The following PITPNM2 variants were observed in gnomAD, a reference collection of about 807,000 sequenced individuals.
PITPNM2 encodes the protein phosphatidylinositol transfer protein membrane associated 2.
In PITPNM2, 35 loss-of-function variants were observed where a neutral mutation model predicts 132.2. That is an observed-to-expected ratio of 0.26 (90% CI 0.20 to 0.35). The LOEUF (loss-of-function observed/expected upper bound fraction) is 0.35. PITPNM2 is among the 10% of genes least tolerant of loss of function. PITPNM2 has a pLI of 1.00. For synonymous variants in PITPNM2, 738 were observed against 799.2 expected, an observed-to-expected ratio of 0.92 and a Z score of 1.29; for missense variants, 1,332 against 1,912.0, an observed-to-expected ratio of 0.70 and a Z score of 5.66.
Position 123,078,796 on chromosome 12 carries a change from C to T in PITPNM2, c.-96+31589G>A, listed in dbSNP as rs1265395263. On this transcript the variant is annotated intron_variant, in intron 2 of 25. Coordinates refer to ENST00000320201, the MANE Select transcript of PITPNM2 (RefSeq NM_020845.3). This position sits in a 1 kb window ranked among gnomAD's most constrained non-coding sequence, Gnocchi z 7.3. ...GGCTCCCCACGCTGGGTGGCATCTCCCATCACGCCTGTGCCAGCCTCACTG... is the reference window on the plus strand; with the variant it reads ...GGCTCCCCACGCTGGGTGGCATCTCTCATCACGCCTGTGCCAGCCTCACTG... Among the ~76,000 whole-genome samples, 1 of 152,212 alleles carries T rather than the reference C, an allele frequency of 6.6e-6. No individual in the cohort carries two copies.
intron 1 of PITPNM2, among the ~76,000 whole-genome samples, chr12:123,148,348 G>A (rs1164272193): frequency 2.6e-5 from 4 of 152,176 alleles, no homozygotes; most frequent in African/African-American, 9.7e-5. Flanking sequence ...GGCTCCTCCT[G>A]CCCATGGCCA....
At chr12:123,113,617 C>T (rs548480797) in intron 1 of PITPNM2, among the ~76,000 whole-genome samples, 7 of 152,218 alleles carry the variant, frequency 4.6e-5, no homozygotes, top group African/African-American at 1.4e-4. Flanking sequence ...GGGAGGGTAA[C>T]CTGAGTCTGA....
In PITPNM2 at chr12:122,986,633, TC is replaced by T. The variant is rs768107572; in HGVS notation, c.3597+12del. The T allele has an allele frequency of 3.2e-5, 52 of 1,605,116 alleles. No individual in the cohort carries two copies. The African/African-American group carries it at 6.7e-4, about 21-fold the overall frequency. Reference sequence around the variant, plus strand: ...CCCCCACCCCTGCCCTGCCCCATCCTCCCGGGCCCCACCTCGGAGATGAGCA... The same window carrying T: ...CCCCCACCCCTGCCCTGCCCCATCCTCCGGGCCCCACCTCGGAGATGAGCA... On this transcript the variant is annotated intron_variant, in intron 24 of 25. Coordinates refer to ENST00000320201, the MANE Select transcript of PITPNM2 (RefSeq NM_020845.3).
chr12:123,111,564 G>C lies in PITPNM2; in HGVS notation c.-199-1076C>G, dbSNP rs2042833746. ...GAGAGTGGAATTGGGGAGGTGTGAA[G>C]ATAGCTAGCAATACACAGCAGTGGG... is the stretch of plus-strand genomic sequence containing the variant. On this transcript the variant is annotated intron_variant, in intron 1 of 25. Transcript: ENST00000320201. The surrounding 1 kb of genome is among the most constrained non-coding windows in gnomAD (Gnocchi z 4.1). Among the ~76,000 whole-genome samples the C allele has an allele frequency of 6.6e-6, 1 of 152,244 alleles. No homozygotes were observed. Among genetic ancestry groups the C allele is most frequent in the Non-Finnish European group, 1.5e-5 (1 of 68,040 alleles).
intron 2 of PITPNM2, among the ~76,000 whole-genome samples, chr12:123,096,978 C>A (rs2042426554): frequency 6.6e-6 from 1 of 152,166 alleles, no homozygotes; most frequent in African/African-American, 2.4e-5. Flanking sequence ...GTCCCCAGGA[C>A]TCCCCAGAGT....
In PITPNM2 at chr12:123,031,410, G is replaced by C. The variant is rs1247597629; in HGVS notation, c.78+3103C>G. Among the ~76,000 whole-genome samples, 1 of 152,190 alleles carries C rather than the reference G, an allele frequency of 6.6e-6. No homozygotes were observed. Among genetic ancestry groups the C allele is most frequent in the Non-Finnish European group, 1.5e-5 (1 of 68,036 alleles). On this transcript the variant is annotated intron_variant, in intron 3 of 25. Coordinates refer to ENST00000320201, the MANE Select transcript of PITPNM2 (RefSeq NM_020845.3). The surrounding 1 kb of genome is among the most constrained non-coding windows in gnomAD (Gnocchi z 4.5). ...ATCCGCCTGTCTAAGACCCAGCTGG[G>C]GCAGGGCTGGCCAGCAGGGGCCTTA...
chr12:123,119,355 A>AC lies in PITPNM2; in HGVS notation c.-199-8868_-199-8867insG, dbSNP rs762896348. Among the ~76,000 whole-genome samples, 647 of 129,308 alleles carry AC rather than the reference A, an allele frequency of 5.0e-3. 32 individuals carry two copies. The highest frequency in any genetic ancestry group is 0.017 in the African/African-American group (612 of 35,474). 84.8% of individuals were successfully genotyped at this position (129,308 alleles called of 152,430 possible). A position where few individuals can be genotyped will look rare whatever the true frequency, so the allele number is the denominator to read the frequency against. On this transcript the variant is annotated intron_variant, in intron 1 of 25. Coordinates refer to ENST00000320201, the MANE Select transcript of PITPNM2 (RefSeq NM_020845.3). ...CTATCTAGAAGCATAGAGGATGGTGATTTTTTTTTTTTTTTTTTTTGAGAC... is the reference window on the plus strand; with the variant it reads ...CTATCTAGAAGCATAGAGGATGGTGACTTTTTTTTTTTTTTTTTTTTGAGAC...
At chr12:122,991,965 C>T in intron 16 of PITPNM2, 1 of 1,274,756 alleles carries the variant, frequency 7.8e-7, no homozygotes, top group Non-Finnish European at 1.0e-6. Flanking sequence ...CAGACACGCT[C>T]TGACACAGAG....
intron 2 of PITPNM2, among the ~76,000 whole-genome samples, chr12:123,056,606 G>C (rs1187048684): frequency 6.6e-6 from 1 of 152,108 alleles, no homozygotes; most frequent in Non-Finnish European, 1.5e-5. Context: ...AAGAGGGAAA[G>C]AGCTGAGCTG....
intron 1 of PITPNM2, among the ~76,000 whole-genome samples, chr12:123,145,615 C>T (rs559766428): frequency 6.6e-6 from 1 of 152,204 alleles, no homozygotes; most frequent in African/African-American, 2.4e-5. Flanking sequence ...TTTCCATGCT[C>T]TCTCTCCAAG....
rs1439804521 is a variant in PITPNM2, at chr12:123,077,600, G to C, written c.-96+32785C>G. 1.3e-5 allele frequency among the ~76,000 whole-genome samples: 2 copies of C among 152,130 alleles called. No individual in the cohort carries two copies. Among genetic ancestry groups the C allele is most frequent in the Non-Finnish European group, 2.9e-5 (2 of 68,030 alleles). On this transcript the variant is annotated intron_variant, in intron 2 of 25. Coordinates refer to ENST00000320201, the MANE Select transcript of PITPNM2 (RefSeq NM_020845.3). The surrounding 1 kb of genome is among the most constrained non-coding windows in gnomAD (Gnocchi z 4.8). ...AGCTACTCACAGACTCCCTAGAGGA[G>C]AACTCCACGCACCCAAACTCTGCTG...
At chr12:123,090,785 TG>T (rs2042239106) in intron 2 of PITPNM2, 1 of 152,298 alleles carries the variant, frequency 6.6e-6, no homozygotes, top group Non-Finnish European at 1.5e-5. Flanking sequence ...GGTATGACTA[TG>T]GGGATGGGAG....
chr12:122,986,282 G>T lies in PITPNM2; in HGVS notation c.3795C>A (p.Arg1265=). The change falls in exon 26 of 26, where the codon CGC becomes CGA. Residue 1265 remains arginine (R), a synonymous_variant. Transcript: ENST00000320201. The part of the protein sequence containing the change: ...LKYSHRARPA[R]NTATRMALRK... Reference sequence around the variant, plus strand: ...GCAGCGCCATGCGGGTGGCCGTGTTGCGAGCGGGCCGCGCCCGGTGGCTGT... The same window carrying T: ...GCAGCGCCATGCGGGTGGCCGTGTTTCGAGCGGGCCGCGCCCGGTGGCTGT... The T allele has an allele frequency of 6.3e-7, 1 of 1,583,162 alleles. No homozygotes were observed.
At chr12:123,085,769 C>A (rs2042094557) in intron 2 of PITPNM2, among the ~76,000 whole-genome samples, 1 of 152,236 alleles carries the variant, frequency 6.6e-6, no homozygotes, top group South Asian at 2.1e-4. Context: ...TCCACAGGGA[C>A]AATGGTGGGA....
rs1052171807 is a variant in PITPNM2, at chr12:123,058,953, T to C, written c.-95-24268A>G. On this transcript the variant is annotated intron_variant, in intron 2 of 25. Transcript: ENST00000320201. The surrounding 1 kb of genome is among the most constrained non-coding windows in gnomAD (Gnocchi z 4.0). ...CAGCTCCCACCACACCCCATTCCCATTGTCTGGGCCCAAACCATGAAGCTC... is the reference window on the plus strand; with the variant it reads ...CAGCTCCCACCACACCCCATTCCCACTGTCTGGGCCCAAACCATGAAGCTC... Among the ~76,000 whole-genome samples the C allele has an allele frequency of 1.3e-5, 2 of 151,962 alleles. No individual in the cohort carries two copies. Among genetic ancestry groups the C allele is most frequent in the African/African-American group, 2.4e-5 (1 of 41,372 alleles).
chr12:123,063,961 T>C (rs1375094943), intron 2 of PITPNM2, among the ~76,000 whole-genome samples: 1 of 151,740 alleles, frequency 6.6e-6, no homozygotes, highest in Non-Finnish European at 1.5e-5. Context: ...ACAATCAATG[T>C]AAAGCACCCA....
intron 1 of PITPNM2, among the ~76,000 whole-genome samples, chr12:123,125,484 C>A (rs2043118015): frequency 6.6e-6 from 1 of 152,056 alleles, no homozygotes; most frequent in Non-Finnish European, 1.5e-5. Context: ...AATTTCAATT[C>A]TAATTATTTT....
intron 2 of PITPNM2, among the ~76,000 whole-genome samples, chr12:123,060,208 AC>A (rs1365762979): frequency 6.6e-6 from 1 of 152,172 alleles, no homozygotes; most frequent in African/African-American, 2.4e-5. Flanking sequence ...AAGGAACTTG[AC>A]TGGGTCACCT....
intron 1 of PITPNM2, among the ~76,000 whole-genome samples, chr12:123,126,848 C>T (rs1159848527): frequency 2.0e-5 from 3 of 152,194 alleles, no homozygotes; most frequent in Admixed American, 6.5e-5. Flanking sequence ...AGGATAATGA[C>T]TGGGAAAATG....
Sources: gnomAD v4.1 joint callset for allele counts (sites outside exome capture counted in the v4.1 genomes callset) on GRCh38, gnomAD v4.1.1 for gene constraint, Gnocchi (gnomAD v3.1) non-coding constraint, MANE v1.5 for transcripts, NCBI Gene and HGNC (gene_info 2026-07-23, HGNC 2026-07-21) for gene names.